The following NLRC4 variants were observed in gnomAD, a reference collection of about 807,000 sequenced individuals.
NLRC4 encodes the protein NLR family CARD domain-containing protein 4.
Under a neutral mutation model 79.9 loss-of-function variants are expected in NLRC4, and 63 were observed. The observed-to-expected ratio is 0.79, with a 90% confidence interval of 0.64 to 0.97. The LOEUF (loss-of-function observed/expected upper bound fraction) is 0.97. NLRC4 is among the 50% of genes least tolerant of loss of function. The probability of loss-of-function intolerance (pLI) is 0.00; values close to 1 mark genes in which losing one functional copy is unlikely to be tolerated. For missense variants in NLRC4, 1,074 were observed against 1,215.2 expected, an observed-to-expected ratio of 0.88 and a Z score of 1.73; for synonymous variants, 461 against 456.5, an observed-to-expected ratio of 1.01 and a Z score of -0.12.
Position 32,252,537 on chromosome 2 carries a change from C to T in NLRC4, c.144G>A (p.Gln48=), listed in dbSNP as rs1458333824. The change falls in exon 3 of 9, where the codon CAG becomes CAA. Residue 48 remains glutamine, a synonymous_variant. Coordinates refer to ENST00000402280, the MANE Select transcript of NLRC4 (RefSeq NM_001199138.2). ...VNIICCEKVE[Q]DAARGIIHMI... is the part of the protein sequence containing the mutation. ...TGTGAATGATCCCTCTAGCAGCATC[C>T]TGCTCCACCTTCTCGCAGCAAATGA... The T allele has an allele frequency of 1.9e-6, 3 of 1,614,068 alleles. No homozygotes were observed. In the African/African-American group the frequency reaches 4.0e-5, roughly 22 times the overall value.
intron 8 of NLRC4, among the ~76,000 whole-genome samples, chr2:32,230,097 G>T (rs1465888610): frequency 6.6e-6 from 1 of 152,168 alleles, no homozygotes; most frequent in Non-Finnish European, 1.5e-5. Context: ...CTGAACTGGA[G>T]TGAGGGTGAG....
At chr2:32,259,444 T>G (rs1205447391) in intron 1 of NLRC4, among the ~76,000 whole-genome samples, 15 of 151,766 alleles carry the variant, frequency 9.9e-5, no homozygotes, top group East Asian at 1.9e-4. Flanking sequence ...TTTTCAAACA[T>G]AGAGAAAATC....
rs751434892 is a variant in NLRC4, at chr2:32,261,316, C to CTTTTTTTTTTTTT, written c.-119+3421_-119+3422insAAAAAAAAAAAAA. Among the ~76,000 whole-genome samples, 537 of 96,702 alleles carry CTTTTTTTTTTTTT rather than the reference C, an allele frequency of 5.6e-3. 83 individuals are homozygous for CTTTTTTTTTTTTT. The highest frequency in any genetic ancestry group is 8.5e-3 in the Non-Finnish European group (408 of 47,998). 63.4% of individuals were successfully genotyped at this position (96,702 alleles called of 152,430 possible). A position where few individuals can be genotyped will look rare whatever the true frequency, so the allele number is the denominator to read the frequency against. On this transcript the variant is annotated intron_variant, in intron 1 of 8. Coordinates refer to ENST00000402280, the MANE Select transcript of NLRC4 (RefSeq NM_001199138.2). Reference sequence around the variant, plus strand: ...TTCTTTCGCCTATTAAGCCTCCCCCCTTTTGTTTTTTTTTGAGATGGAGCC... The same window carrying CTTTTTTTTTTTTT: ...TTCTTTCGCCTATTAAGCCTCCCCCCTTTTTTTTTTTTTTTTTGTTTTTTTTTGAGATGGAGCC...
chr2:32,235,940 C>T (rs1251733379), intron 7 of NLRC4, among the ~76,000 whole-genome samples: 1 of 152,126 alleles, frequency 6.6e-6, no homozygotes, highest in Non-Finnish European at 1.5e-5. Context: ...CCTAAAAAAT[C>T]ATATCACCAA....
At chr2:32,229,534 G>T (rs1432182103) in intron 8 of NLRC4, among the ~76,000 whole-genome samples, 1 of 152,188 alleles carries the variant, frequency 6.6e-6, no homozygotes, top group Non-Finnish European at 1.5e-5. Context: ...TTATGTTGTA[G>T]TCTCAGATTG....
rs188628803 is a variant in NLRC4, at chr2:32,255,693, A to G, written c.1+1082T>C. On this transcript the variant is annotated intron_variant, in intron 2 of 8. Transcript: ENST00000402280. ...AGACTCATTATATTGAATAAGTCAC[A>G]TAACTCTCATACCCAAAAATGTCTT... Among the ~76,000 whole-genome samples the G allele has an allele frequency of 4.5e-3, 684 of 152,144 alleles. 5 individuals are homozygous for G. Among genetic ancestry groups the G allele is most frequent in the Middle Eastern group, 6.8e-3 (2 of 294 alleles).
Position 32,252,447 on chromosome 2 carries a change from A to G in NLRC4, c.234T>C (p.Tyr78=). ...GTCCATTCAAGTCCTGAAATAGAGG[A>G]TAGTTCCACTCCTTAAGGGATTTAA... The part of the protein sequence containing the change: ...LFLKSLKEWN[Y]PLFQDLNGQS... Residue 78 remains tyrosine, a synonymous_variant, in exon 3 of 9, where the codon TAT becomes TAC. Transcript: ENST00000402280. 1 of 1,610,620 alleles carries G rather than the reference A, an allele frequency of 6.2e-7. No homozygotes were observed. The highest frequency in any genetic ancestry group is 8.5e-7 in the Non-Finnish European group (1 of 1,176,716).
chr2:32,263,803 C>T (rs1024945322), intron 1 of NLRC4, among the ~76,000 whole-genome samples: 8 of 152,232 alleles, frequency 5.3e-5, no homozygotes, highest in East Asian at 1.9e-4. Context: ...CACATTAATA[C>T]GACTAATATT....
chr2:32,237,609 A>G (rs1406836700), intron 6 of NLRC4, among the ~76,000 whole-genome samples: 2 of 152,236 alleles, frequency 1.3e-5, no homozygotes, highest in African/African-American at 4.8e-5. Context: ...AATATGTCTG[A>G]ATTACACATG....
In NLRC4 at chr2:32,224,623, T is replaced by G. The variant is rs373084451; in HGVS notation, c.2925A>C (p.Lys975Asn). 144 of 1,613,820 alleles carry G rather than the reference T, an allele frequency of 8.9e-5. No homozygotes were observed. The highest frequency in any genetic ancestry group is 1.2e-4 in the Non-Finnish European group (140 of 1,179,862). ...KQLVFFDFSTKEFLPDPALVR... is the reference protein window; with the variant it reads ...KQLVFFDFSTNEFLPDPALVR... Reference sequence around the variant, plus strand: ...CTAATGCTGGATCAGGTAGAAATTCTTTAGTACTAAAGTCAAAAAACACTA... The same window carrying G: ...CTAATGCTGGATCAGGTAGAAATTCGTTAGTACTAAAGTCAAAAAACACTA... The change falls in exon 9 of 9, where the codon AAA (lysine) becomes AAC (asparagine). Residue 975 changes from lysine (K) to asparagine (N), a missense_variant. Coordinates refer to ENST00000402280, the MANE Select transcript of NLRC4 (RefSeq NM_001199138.2).
At chr2:32,257,060 C>T (rs770978426) in intron 1 of NLRC4, among the ~76,000 whole-genome samples, 167 bp from the exon 2 acceptor site, 17 of 152,174 alleles carry the variant, frequency 1.1e-4, no homozygotes, top group African/African-American at 3.4e-4. Context: ...AGAACCCAGG[C>T]GGCTGGACTC....
intron 3 of NLRC4, 96 bp downstream of exon 3, chr2:32,252,323 G>T: frequency 1.1e-6 from 1 of 893,362 alleles, no homozygotes; most frequent in Non-Finnish European, 1.8e-6. Flanking sequence ...GTGATATGAA[G>T]AGAAGGAAAA....
At chr2:32,230,225 G>A (rs964570596) in intron 8 of NLRC4, among the ~76,000 whole-genome samples, 5 of 152,162 alleles carry the variant, frequency 3.3e-5, no homozygotes, top group African/African-American at 9.7e-5. Context: ...AATAGGAGAC[G>A]CTGAGTACTG....
chr2:32,232,421 C>G (rs543468543), intron 8 of NLRC4, among the ~76,000 whole-genome samples: 2 of 152,290 alleles, frequency 1.3e-5, no homozygotes, highest in East Asian at 3.9e-4. Context: ...TAAGGACAAT[C>G]CAGGCCTGGG....
At chr2:32,232,974 G>A (rs984971128) in intron 8 of NLRC4, among the ~76,000 whole-genome samples, 9 of 151,866 alleles carry the variant, frequency 5.9e-5, no homozygotes, top group South Asian at 4.2e-4. Context: ...GTCCATTAGC[G>A]GAGCATAGTG....
At chr2:32,258,063 G>C (rs1687249789) in intron 1 of NLRC4, among the ~76,000 whole-genome samples, 1 of 152,166 alleles carries the variant, frequency 6.6e-6, no homozygotes, top group South Asian at 2.1e-4. Context: ...CTTGGAGAAT[G>C]AGCGCAAGGT....
Position 32,238,261 on chromosome 2 carries a change from A to T in NLRC4, c.2392T>A (p.Leu798Met). 2.5e-6 allele frequency: 4 copies of T among 1,612,864 alleles called. No individual in the cohort carries two copies. Among genetic ancestry groups the T allele is most frequent in the Non-Finnish European group, 3.4e-6 (4 of 1,179,648 alleles). Residue 798 changes from leucine (L) to methionine (M), a missense_variant, in exon 6 of 9, where the codon TTG becomes ATG. Leu to Met is a conservative substitution (Grantham distance 15, BLOSUM62 2). Transcript: ENST00000402280. ...KNLKKMCLFH[L>M]THLSDIGEGM... ...TCTCCAATGTCAGACAAGTGGGTCA[A>T]ATGAAATAAACACATCTTCTTCAGG...
chr2:32,252,771 C>A lies in NLRC4; in HGVS notation c.2-92G>T, dbSNP rs917840767. 51 of 1,118,118 alleles carry A rather than the reference C, an allele frequency of 4.6e-5. 1 individual carries two copies. In the Admixed American group the frequency reaches 1.0e-3, roughly 22 times the overall value. The allele number at this position is 1,118,118 out of a possible 1,614,324, so 69.3% of individuals were successfully genotyped here. On this transcript the variant is annotated intron_variant, in intron 2 of 8. Transcript: ENST00000402280. Reference sequence around the variant, plus strand: ...CGGTGGCTCACGCCTGTAATCCCAGCACTTTGGGAGGCCGAGGCGGGCAGA... The same window carrying A: ...CGGTGGCTCACGCCTGTAATCCCAGAACTTTGGGAGGCCGAGGCGGGCAGA...
intron 1 of NLRC4, among the ~76,000 whole-genome samples, chr2:32,259,262 A>ATTTTTTTTTTCTTTTTTTTTTTTTT (rs1687281143): frequency 1.9e-5 from 1 of 52,878 alleles, no homozygotes; most frequent in Non-Finnish European, 3.4e-5. Flanking sequence ...TGCCTGGCTA[A>ATTTTTTTTTTCTTTTTTTTTTTTTT]TTTTTTTTTT....
Sources: gnomAD v4.1 joint callset for allele counts (sites outside exome capture counted in the v4.1 genomes callset) on GRCh38, gnomAD v4.1.1 for gene constraint, MANE v1.5 for transcripts, NCBI Gene and HGNC (gene_info 2026-07-23, HGNC 2026-07-21) for gene names.